ITIH4: variants seen among roughly 807,000 people sequenced by gnomAD.
ITIH4 encodes the protein inter-alpha-trypsin inhibitor heavy chain 4.
A neutral mutation model predicts 111.8 loss-of-function variants in ITIH4; 79 were observed. The observed-to-expected ratio is 0.71, with a 90% CI of 0.59 to 0.85. The LOEUF (loss-of-function observed/expected upper bound fraction) is 0.85, where lower values mean the gene tolerates loss of function less well. Among genes scored for constraint, ITIH4 ranks in the 40% least tolerant of loss-of-function variants. The probability of loss-of-function intolerance (pLI) is 0.00; values close to 1 mark genes in which losing one functional copy is unlikely to be tolerated. For missense variants in ITIH4, 1,065 were observed against 1,195.8 expected (o/e 0.89, Z 1.61); for synonymous variants, 472 against 468.3 (o/e 1.01, Z -0.10).
chr3:52,823,738 A>G lies in ITIH4; in HGVS notation c.1357T>C (p.Phe453Leu). 6.2e-7 allele frequency: 1 copy of G among 1,614,120 alleles called. No homozygotes were observed. Among genetic ancestry groups the G allele is most frequent in the Non-Finnish European group, 8.5e-7 (1 of 1,180,014 alleles). Residue 453 changes from phenylalanine (F) to leucine (L), a missense_variant, in exon 11 of 24, where the codon TTC becomes CTC. Physicochemically the swap from Phe to Leu is conservative, Grantham distance 22. Coordinates refer to ENST00000266041, the MANE Select transcript of ITIH4 (RefSeq NM_002218.5). Reference protein sequence around the residue: ...DSDSALQLQDFYQEVANPLLT... With the variant: ...DSDSALQLQDLYQEVANPLLT... ...AGTGGGTTGGCCACTTCCTGGTAGA[A>G]GTCCTGCAGGGTTGGGGGTGTCATA...
At chr3:52,821,744 T>G (rs976120598) in intron 11 of ITIH4, among the ~76,000 whole-genome samples, 4 of 152,056 alleles carry the variant, frequency 2.6e-5, no homozygotes, top group African/African-American at 7.2e-5. Context: ...GGGCCTGTGG[T>G]CTCAGACTGA....
At chr3:52,814,649 T>C (rs1700248743) in intron 21 of ITIH4, among the ~76,000 whole-genome samples, 1 of 152,136 alleles carries the variant, frequency 6.6e-6, no homozygotes, top group Non-Finnish European at 1.5e-5. Flanking sequence ...TGCAGTGGTG[T>C]GATCTCAGCT....
Position 52,823,996 on chromosome 3 carries a change from T to C in ITIH4, c.1180A>G (p.Asn394Asp). 7 of 1,566,894 alleles carry C rather than the reference T, an allele frequency of 4.5e-6. No homozygotes were observed. The highest frequency in any genetic ancestry group is 6.0e-6 in the Non-Finnish European group (7 of 1,157,780). The change falls in exon 10 of 24, where the codon AAC becomes GAC. Residue 394 changes from asparagine (N) to aspartate (D), a missense_variant. By Grantham distance (23) the Asn-to-Asp change is conservative. Coordinates refer to ENST00000266041, the MANE Select transcript of ITIH4 (RefSeq NM_002218.5). ...TDGDPTVGET[N>D]PRSIQNNVRE... is the part of the protein sequence containing the mutation. Reference sequence around the variant, plus strand: ...ACGTTATTCTGGATGCTCCTGGGGTTAGTCTCCCCTGGACCCAGGGGTTTG... The same window carrying C: ...ACGTTATTCTGGATGCTCCTGGGGTCAGTCTCCCCTGGACCCAGGGGTTTG...
At chr3:52,819,705 TCC>T in intron 16 of ITIH4, 47 bp downstream of exon 16, 1 of 1,598,476 alleles carries the variant, frequency 6.3e-7, no homozygotes, top group Non-Finnish European at 8.6e-7. Flanking sequence ...TCCCTCAAGC[TCC>T]CCCCCAGGGA....
rs78375229 is a variant in ITIH4, at chr3:52,820,884, G to C, written c.1680-99C>G. ...GGAGGTCCCTCTGGGAGAATCTGGAGCTTGGACATGATGCCAAGACCCCCC... is the reference window on the plus strand; with the variant it reads ...GGAGGTCCCTCTGGGAGAATCTGGACCTTGGACATGATGCCAAGACCCCCC... On this transcript the variant is annotated intron_variant, in intron 12 of 23. Transcript: ENST00000266041. The C allele has an allele frequency of 3.1e-3, 4,750 of 1,547,338 alleles. 150 individuals are homozygous for C. The African/African-American group carries it at 0.056, about 18-fold the overall frequency.
chr3:52,829,301 G>A (rs1343989964), intron 1 of ITIH4, 22 bp from the exon 2 acceptor site: 1 of 1,588,656 alleles, frequency 6.3e-7, no homozygotes, highest in Non-Finnish European at 8.6e-7. Flanking sequence ...AAGAAGAAGG[G>A]GGTTGCAGGG....
rs199810751 is a variant in ITIH4, at chr3:52,824,327, G to A, written c.1046-12C>T. On this transcript the variant is annotated splice_polypyrimidine_tract_variant and intron_variant, in intron 8 of 23. Transcript: ENST00000266041. This position sits in a 1 kb window ranked among gnomAD's most constrained non-coding sequence, Gnocchi z 4.3. ...ATTGATGTTGGTCCCTGAGGAACACGCACTCTCAAGGTGGTCCCCAGCCAG... is the reference window on the plus strand; with the variant it reads ...ATTGATGTTGGTCCCTGAGGAACACACACTCTCAAGGTGGTCCCCAGCCAG... 40 of 1,612,110 alleles carry A rather than the reference G, an allele frequency of 2.5e-5. No individual in the cohort carries two copies. Among genetic ancestry groups the A allele is most frequent in the Middle Eastern group, 1.6e-4 (1 of 6,082 alleles).
At chr3:52,822,688 C>T (rs185732450) in intron 11 of ITIH4, among the ~76,000 whole-genome samples, 1 of 152,304 alleles carries the variant, frequency 6.6e-6, no homozygotes, top group African/African-American at 2.4e-5. Flanking sequence ...GGCAGGGTGG[C>T]CACGCAGACC....
chr3:52,814,159 G>C, intron 22 of ITIH4, 50 bp downstream of exon 22: 1 of 1,606,358 alleles, frequency 6.2e-7, no homozygotes, highest in Non-Finnish European at 8.5e-7. Context: ...CTGTTCCCAA[G>C]CACAGCTGGT....
intron 21 of ITIH4, among the ~76,000 whole-genome samples, chr3:52,816,530 C>T (rs182798029): frequency 3.4e-4 from 52 of 152,250 alleles, no homozygotes; most frequent in African/African-American, 1.1e-3. Context: ...ATTGGGTTCT[C>T]CCCCCAGCCT....
chr3:52,819,515 C>T lies in ITIH4; in HGVS notation c.1955G>A (p.Gly652Glu), dbSNP rs1249128524. The T allele has an allele frequency of 1.9e-6, 3 of 1,613,984 alleles. No individual in the cohort carries two copies. Among genetic ancestry groups the T allele is most frequent in the African/African-American group, 1.3e-5 (1 of 74,920 alleles). Residue 652 changes from glycine to glutamate, a missense_variant, in exon 17 of 24, where the codon GGA (glycine) becomes GAA (glutamate). Physicochemically the swap from Gly to Glu is moderately conservative, Grantham distance 98. Transcript: ENST00000266041. ...SPRRGWNRQA[G>E]AAGSRMNFRP... ...GAAATTCATCCGGGAGCCAGCAGCT[C>T]CAGCTTTGGAGAAATCGACAGATGC...
Position 52,819,442 on chromosome 3 carries a change from A to G in ITIH4, c.2028T>C (p.Pro676=). 6.2e-7 allele frequency: 1 copy of G among 1,614,144 alleles called. No individual in the cohort carries two copies. The highest frequency in any genetic ancestry group is 8.5e-7 in the Non-Finnish European group (1 of 1,179,992). The change falls in exon 17 of 24, where the codon CCT becomes CCC. Residue 676 remains proline, a synonymous_variant. Transcript: ENST00000266041. ...GGTAAGCAGCATGGTCAGGAACATC[A>G]GGAGGTCCTGGGAGTCCAAGTTGCC... is the stretch of plus-strand genomic sequence containing the variant. The part of the protein sequence containing the change: ...SSRQLGLPGP[P]DVPDHAAYHP...
At position 52,818,101 on chromosome 3, in the gene ITIH4, G is replaced by A. The variant is rs1700310949; in HGVS notation, c.2247C>T (p.Asp749=). 2.5e-6 allele frequency: 4 copies of A among 1,613,858 alleles called. No individual in the cohort carries two copies. The highest frequency in any genetic ancestry group is 2.5e-6 in the Non-Finnish European group (3 of 1,180,010). ...TCACTGGCCCCTGGCGGTGTCTGGG[G>A]TCCACACAGAGCCGCTCCACACTCT... The part of the protein sequence containing the change: ...PGQSVERLCV[D]PRHRQGPVNL... The change falls in exon 20 of 24, where the codon GAC becomes GAT. Residue 749 remains aspartate (D), a synonymous_variant. Transcript: ENST00000266041.
chr3:52,815,108 C>T (rs575842966), intron 21 of ITIH4, among the ~76,000 whole-genome samples: 9 of 152,316 alleles, frequency 5.9e-5, no homozygotes, highest in African/African-American at 1.9e-4. Flanking sequence ...CTGGTGTTCT[C>T]ATGAATGTTA....
chr3:52,823,929 C>T lies in ITIH4; in HGVS notation c.1247G>A (p.Gly416Asp), dbSNP rs138055194. Residue 416 changes from glycine (G) to aspartate (D), a missense_variant, in exon 10 of 24, where the codon GGC (glycine) becomes GAC (aspartate). Transcript: ENST00000266041. Reference protein sequence around the residue: ...VSGRYSLFCLGFGFDVSYAFL... With the variant: ...VSGRYSLFCLDFGFDVSYAFL... Reference sequence around the variant, plus strand: ...GGCATAGCTGACGTCGAAACCGAAGCCCAGGCAGAAGAGGCTGTACCGGCC... The same window carrying T: ...GGCATAGCTGACGTCGAAACCGAAGTCCAGGCAGAAGAGGCTGTACCGGCC... 125 of 1,608,122 alleles carry T rather than the reference C, an allele frequency of 7.8e-5. No individual in the cohort carries two copies. The African/African-American group carries it at 1.6e-3, about 21-fold the overall frequency.
chr3:52,813,155 G>A lies in ITIH4; in HGVS notation c.*266C>T. 1 of 466,922 alleles carries A rather than the reference G, an allele frequency of 2.1e-6. No homozygotes were observed. The highest frequency in any genetic ancestry group is 3.7e-5 in the East Asian group (1 of 26,966). The allele number at this position is 466,922 out of a possible 1,614,324, so 28.9% of individuals were successfully genotyped here. A position where few individuals can be genotyped will look rare whatever the true frequency, so the allele number is the denominator to read the frequency against. ...ATGAAGGGGCTGGACTGAAAGCTCAGCATGGGCCTTCCTGGCCATGGGCTC... is the reference window on the plus strand; with the variant it reads ...ATGAAGGGGCTGGACTGAAAGCTCAACATGGGCCTTCCTGGCCATGGGCTC... On this transcript the variant is annotated 3_prime_UTR_variant, in exon 24 of 24. Coordinates refer to ENST00000266041, the MANE Select transcript of ITIH4 (RefSeq NM_002218.5).
In ITIH4 at chr3:52,824,161, C is replaced by A; in HGVS notation, c.1171+29G>T. On this transcript the variant is annotated intron_variant, in intron 9 of 23. Transcript: ENST00000266041. The surrounding 1 kb of genome is among the most constrained non-coding windows in gnomAD (Gnocchi z 4.3). ...CCCCAGCCGCCTCCCCTGTGCAGCA[C>A]GTCCTGGAGTCACGGGCAGGGCCCT... 1 of 1,609,950 alleles carries A rather than the reference C, an allele frequency of 6.2e-7. No individual in the cohort carries two copies. The highest frequency in any genetic ancestry group is 1.1e-5 in the South Asian group (1 of 90,944).
intron 5 of ITIH4, among the ~76,000 whole-genome samples, chr3:52,826,339 T>C (rs1700478589): frequency 6.6e-6 from 1 of 152,170 alleles, no homozygotes; most frequent in African/African-American, 2.4e-5. Flanking sequence ...TCAGGGCTCA[T>C]ACGAGGACGC....
chr3:52,824,071 T>C lies in ITIH4; in HGVS notation c.1172-67A>G, dbSNP rs527527603. 1.1e-5 allele frequency: 17 copies of C among 1,552,108 alleles called. No homozygotes were observed. Among genetic ancestry groups the C allele is most frequent in the Non-Finnish European group, 1.5e-5 (17 of 1,148,676 alleles). On this transcript the variant is annotated intron_variant, in intron 9 of 23. Coordinates refer to ENST00000266041, the MANE Select transcript of ITIH4 (RefSeq NM_002218.5). This position sits in a 1 kb window ranked among gnomAD's most constrained non-coding sequence, Gnocchi z 4.3. ...TTGCTTGAAGAATATTTCTGGAACC[T>C]CAGAGCCGAGGGGCCTCAGTGACCC...
Sources: allele counts gnomAD v4.1 joint callset (sites outside exome capture counted in the v4.1 genomes callset), GRCh38; gene constraint gnomAD v4.1.1; non-coding constraint Gnocchi (gnomAD v3.1); transcripts MANE v1.5; gene names NCBI Gene and HGNC (gene_info 2026-07-23, HGNC 2026-07-21).